ITGA4: variants seen among roughly 807,000 people sequenced by gnomAD.
ITGA4 encodes integrin alpha-4.
A neutral mutation model predicts 133.6 loss-of-function variants in ITGA4; 63 were observed. The observed-to-expected ratio is 0.47, with a 90% CI of 0.38 to 0.58. ITGA4 has a LOEUF of 0.58. Ranked by LOEUF, ITGA4 falls within the 20% of genes least tolerant of loss-of-function variation. The pLI is 0.00. For missense variants in ITGA4, 1,076 were observed against 1,252.7 expected (o/e 0.86, Z 2.13); for synonymous variants, 483 against 438.0 (o/e 1.10, Z -1.28).
Position 181,498,715 on chromosome 2 carries a change from A to T in ITGA4, c.1633A>T (p.Thr545Ser). 1 of 1,612,964 alleles carries T rather than the reference A, an allele frequency of 6.2e-7. No homozygotes were observed. Among genetic ancestry groups the T allele is most frequent in the South Asian group, 1.1e-5 (1 of 91,022 alleles). ...FSSNGTSDVITGSIQVSSREA... is the reference protein window; with the variant it reads ...FSSNGTSDVISGSIQVSSREA... Reference sequence around the variant, plus strand: ...TTCTAATGGAACTTCTGACGTGATTACAGGAAGCATACAGGTGTCCAGCAG... The same window carrying T: ...TTCTAATGGAACTTCTGACGTGATTTCAGGAAGCATACAGGTGTCCAGCAG... Residue 545 changes from threonine (T) to serine (S), a missense_variant, in exon 15 of 28, where the codon ACA becomes TCA. Physicochemically the swap from Thr to Ser is moderately conservative, Grantham distance 58. Around this residue, in one of 4 missense-constraint regions of ITGA4, gnomAD observed 365 missense variants for 421.4 expected, o/e 0.87. Transcript: ENST00000397033.
chr2:181,478,226 T>A (rs1284528411), intron 4 of ITGA4, among the ~76,000 whole-genome samples: 1 of 151,984 alleles, frequency 6.6e-6, no homozygotes, highest in Non-Finnish European at 1.5e-5. Flanking sequence ...AGGAAGATGT[T>A]GGTGAAAGAT....
chr2:181,465,276 C>T (rs547786549), intron 2 of ITGA4, among the ~76,000 whole-genome samples: 21 of 152,214 alleles, frequency 1.4e-4, no homozygotes, highest in African/African-American at 4.3e-4. Context: ...AGAGAAACGT[C>T]CTTTGATATC....
intron 4 of ITGA4, among the ~76,000 whole-genome samples, chr2:181,475,504 A>G (rs987143431): frequency 1.3e-5 from 2 of 152,132 alleles, no homozygotes; most frequent in Admixed American, 6.6e-5. Flanking sequence ...AATTTGAATA[A>G]CTCTGAAATC....
Position 181,522,220 on chromosome 2 carries a change from T to C in ITGA4, c.1952T>C (p.Val651Ala), listed in dbSNP as rs761459047. ...KPHENKTYLA[V>A]GSMKTLMLNV... is the part of the protein sequence containing the mutation. ...CATGAAAATAAAACATATCTTGCTG[T>C]TGGGAGTATGAAGACATTGATGTTG... The change falls in exon 18 of 28, where the codon GTT (valine) becomes GCT (alanine). Residue 651 changes from valine to alanine, a missense_variant. This residue lies in a region of ITGA4 where 365 missense variants were observed against 421.4 expected (regional missense o/e 0.87). Coordinates refer to ENST00000397033, the MANE Select transcript of ITGA4 (RefSeq NM_000885.6). 3.1e-6 allele frequency: 5 copies of C among 1,599,228 alleles called. No homozygotes were observed. The Admixed American group carries it at 6.8e-5, about 22-fold the overall frequency.
intron 16 of ITGA4, 83 bp from the exon 17 acceptor site, chr2:181,511,616 C>T (rs1229394374): frequency 5.7e-6 from 4 of 701,166 alleles, no homozygotes; most frequent in African/African-American, 1.8e-5. Context: ...TCTCATGCAT[C>T]ACAGGTGTCG....
intron 2 of ITGA4, among the ~76,000 whole-genome samples, chr2:181,463,160 C>A (rs1390539814): frequency 6.6e-6 from 1 of 151,878 alleles, no homozygotes; most frequent in African/African-American, 2.4e-5. Flanking sequence ...GTATAAAGAC[C>A]CTGAAGTCTT....
At position 181,536,931 on chromosome 2, in the gene ITGA4, T is replaced by G. The variant is rs1687146815; in HGVS notation, c.*1404T>G. ...TGTGGAAAAACAATTCTGGGAAAGATTTCTTTATATGAAGTCCCTGCCACT... is the reference window on the plus strand; with the variant it reads ...TGTGGAAAAACAATTCTGGGAAAGAGTTCTTTATATGAAGTCCCTGCCACT... On this transcript the variant is annotated 3_prime_UTR_variant, in exon 28 of 28. Coordinates refer to ENST00000397033, the MANE Select transcript of ITGA4 (RefSeq NM_000885.6). 1 of 453,598 alleles carries G rather than the reference T, an allele frequency of 2.2e-6. No homozygotes were observed. The highest frequency in any genetic ancestry group is 4.4e-6 in the Non-Finnish European group (1 of 226,572). 28.1% of individuals were successfully genotyped at this position (453,598 alleles called of 1,614,324 possible).
In ITGA4 at chr2:181,457,860, A is replaced by T; in HGVS notation, c.197+9A>T. 1.9e-6 allele frequency: 3 copies of T among 1,604,660 alleles called. No individual in the cohort carries two copies. Among genetic ancestry groups the T allele is most frequent in the Non-Finnish European group, 2.6e-6 (3 of 1,174,250 alleles). ...CACGGGGCGAACCGATGGTGAGTAG[A>T]GTTGGACTGATGCGCCCTCAGCAGC... On this transcript the variant is annotated intron_variant, in intron 1 of 27. Transcript: ENST00000397033.
Position 181,534,353 on chromosome 2 carries a change from G to T in ITGA4, c.2866G>T (p.Asp956Tyr). ...PNPRVIELNK[D>Y]ENVAHVLLEG... ...TCCAAGAGTAATTGAACTAAACAAG[G>T]ATGAGAATGTTGCGCATGTAAGATT... Residue 956 changes from aspartate (D) to tyrosine (Y), a missense_variant, in exon 26 of 28, where the codon GAT becomes TAT. Coordinates refer to ENST00000397033, the MANE Select transcript of ITGA4 (RefSeq NM_000885.6). 1 of 1,599,414 alleles carries T rather than the reference G, an allele frequency of 6.3e-7. No homozygotes were observed. The highest frequency in any genetic ancestry group is 2.2e-5 in the East Asian group (1 of 44,694).
intron 15 of ITGA4, among the ~76,000 whole-genome samples, chr2:181,505,552 A>C (rs1453391752): frequency 2.6e-5 from 4 of 152,080 alleles, no homozygotes; most frequent in African/African-American, 9.7e-5. Context: ...TTAAAATGTA[A>C]ACAAATCTAC....
Position 181,538,169 on chromosome 2 carries a change from A to G in ITGA4, c.*2642A>G. On this transcript the variant is annotated 3_prime_UTR_variant, in exon 28 of 28. Coordinates refer to ENST00000397033, the MANE Select transcript of ITGA4 (RefSeq NM_000885.6). ...AAATTCTAGTTTGTACATTTCTTTT[A>G]GAAACAATTACATGTTACTTTGGAA... is the stretch of plus-strand genomic sequence containing the variant. 2 of 1,520,234 alleles carry G rather than the reference A, an allele frequency of 1.3e-6. No individual in the cohort carries two copies. The allele number at this position is 1,520,234 out of a possible 1,614,324, so 94.2% of individuals were successfully genotyped here. A position where few individuals can be genotyped will look rare whatever the true frequency, so the allele number is the denominator to read the frequency against.
intron 2 of ITGA4, among the ~76,000 whole-genome samples, chr2:181,467,225 T>TAA (rs3835963): frequency 2.8e-4 from 42 of 149,642 alleles, no homozygotes; most frequent in African/African-American, 4.9e-4. Context: ...AGCTTCAGCT[T>TAA]AAAAAAAAAA....
chr2:181,538,269 T>TCAA lies in ITGA4; in HGVS notation c.*2744_*2746dup. The stretch of plus-strand genomic sequence containing the variant: ...TCTGTAAAGAAAATACATTATTTCA[T>TCAA]CAACTTATTTTGTTGTTTTTCACAT... On this transcript the variant is annotated 3_prime_UTR_variant, in exon 28 of 28. Coordinates refer to ENST00000397033, the MANE Select transcript of ITGA4 (RefSeq NM_000885.6). 1 of 1,441,698 alleles carries TCAA rather than the reference T, an allele frequency of 6.9e-7. No homozygotes were observed. The highest frequency in any genetic ancestry group is 1.1e-5 in the South Asian group (1 of 87,092). 89.3% of individuals were successfully genotyped at this position (1,441,698 alleles called of 1,614,324 possible). A position where few individuals can be genotyped will look rare whatever the true frequency, so the allele number is the denominator to read the frequency against.
At chr2:181,514,637 CT>C (rs1442559104) in intron 17 of ITGA4, among the ~76,000 whole-genome samples, 3 of 151,992 alleles carry the variant, frequency 2.0e-5, no homozygotes. Flanking sequence ...CCTCATGGGC[CT>C]TTGATAAGAA....
rs1023998876 is a variant in ITGA4, at chr2:181,523,199, TAC to T, written c.2074-230_2074-229del. The T allele has an allele frequency of 4.3e-5, 14 of 323,138 alleles. No homozygotes were observed. The highest frequency in any genetic ancestry group is 3.1e-4 in the East Asian group (6 of 19,114). The allele number at this position is 323,138 out of a possible 1,614,324, so 20.0% of individuals were successfully genotyped here. A position where few individuals can be genotyped will look rare whatever the true frequency, so the allele number is the denominator to read the frequency against. On this transcript the variant is annotated intron_variant, in intron 18 of 27. Coordinates refer to ENST00000397033, the MANE Select transcript of ITGA4 (RefSeq NM_000885.6). This position sits in a 1 kb window ranked among gnomAD's most constrained non-coding sequence, Gnocchi z 4.2. Reference sequence around the variant, plus strand: ...ACACACATACACATACACATATATATACACACACATATATACACACATATATA... The same window carrying T: ...ACACACATACACATACACATATATATACACACATATATACACACATATATA...
intron 10 of ITGA4, chr2:181,486,208 C>G: frequency 2.1e-6 from 1 of 474,522 alleles, no homozygotes; most frequent in Admixed American, 4.4e-5. Flanking sequence ...ATTCAAAATA[C>G]CTTATTTCAG....
At chr2:181,498,958 C>T in intron 15 of ITGA4, 181 bp downstream of exon 15, 1 of 824,376 alleles carries the variant, frequency 1.2e-6, no homozygotes, top group Non-Finnish European at 1.5e-6. Context: ...ATTCAGAGTC[C>T]TCTTATTGTA....
intron 4 of ITGA4, chr2:181,476,100 G>A (rs1017979533): frequency 5.6e-6 from 2 of 358,770 alleles, no homozygotes; most frequent in African/African-American, 4.2e-5. Flanking sequence ...TTCTTCCTTG[G>A]AATGTGATGT....
At chr2:181,458,152 A>G in intron 1 of ITGA4, 44 bp from the exon 2 acceptor site, 1 of 1,612,704 alleles carries the variant, frequency 6.2e-7, no homozygotes, top group Non-Finnish European at 8.5e-7. Flanking sequence ...CTCAGTGGGC[A>G]GCACAGCTCA....
Sources: gnomAD v4.1 joint callset for allele counts (sites outside exome capture counted in the v4.1 genomes callset) on GRCh38, gnomAD v4.1.1 for gene constraint, gnomAD v4.1.1 regional missense constraint, Gnocchi (gnomAD v3.1) non-coding constraint, MANE v1.5 for transcripts, NCBI Gene and HGNC (gene_info 2026-07-23, HGNC 2026-07-21) for gene names.